The following MYO3A variants were observed in gnomAD, a reference collection of about 807,000 sequenced individuals.
MYO3A encodes the protein myosin IIIA, also known as myosin-IIIa.
MYO3A carries 180 observed loss-of-function variants against 192.7 expected under a neutral mutation model. That is an observed-to-expected ratio of 0.93 (90% CI 0.83 to 1.06). The LOEUF (loss-of-function observed/expected upper bound fraction) is 1.06. Among genes scored for constraint, MYO3A ranks in the 50% least tolerant of loss-of-function variants. The pLI is 0.00. For missense variants in MYO3A, 1,896 were observed against 1,905.0 expected, an observed-to-expected ratio of 1.00 and a Z score of 0.09; for synonymous variants, 628 against 645.3, an observed-to-expected ratio of 0.97 and a Z score of 0.41.
chr10:26,039,997 A>G lies in MYO3A; in HGVS notation c.953+13465A>G, dbSNP rs866271727. Among the ~76,000 whole-genome samples the G allele has an allele frequency of 4.6e-5, 7 of 151,236 alleles. No individual in the cohort carries two copies. The Middle Eastern group carries it at 0.017, about 370-fold the overall frequency. ...ATTTGAAGTTTTTTTTTAATTTTTG[A>G]TGTAAGCACTGATAGCTATAAATTT... On this transcript the variant is annotated intron_variant, in intron 10 of 34. Transcript: ENST00000642920.
intron 23 of MYO3A, among the ~76,000 whole-genome samples, chr10:26,152,354 A>G (rs1840844307): frequency 6.6e-6 from 1 of 152,254 alleles, no homozygotes; most frequent in South Asian, 2.1e-4. Flanking sequence ...ACTTTTTTAC[A>G]AATAAGACAT....
chr10:26,097,673 G>T (rs1837137356), intron 17 of MYO3A, among the ~76,000 whole-genome samples: 1 of 152,114 alleles, frequency 6.6e-6, no homozygotes, highest in Non-Finnish European at 1.5e-5. Flanking sequence ...TGCTGAGAAT[G>T]ATGGTTTCCA....
chr10:26,069,993 G>T, intron 12 of MYO3A, 118 bp from the exon 13 acceptor site: 1 of 696,386 alleles, frequency 1.4e-6, no homozygotes, highest in Non-Finnish European at 2.5e-6. Context: ...TGTTTTGGTG[G>T]AATGAAATGG....
chr10:26,016,910 T>C lies in MYO3A; in HGVS notation c.585+14T>C, dbSNP rs1208742868. The C allele has an allele frequency of 6.2e-7, 1 of 1,612,200 alleles. No homozygotes were observed. Among genetic ancestry groups the C allele is most frequent in the Non-Finnish European group, 8.5e-7 (1 of 1,178,222 alleles). On this transcript the variant is annotated intron_variant, in intron 7 of 34. Coordinates refer to ENST00000642920, the MANE Select transcript of MYO3A (RefSeq NM_017433.5). ...ATGGCTCCTGAGGTCAGATAGAGTT[T>C]TGAGGCAGACAAACGTAATAGCTGA...
intron 19 of MYO3A, among the ~76,000 whole-genome samples, chr10:26,125,906 T>C (rs1464251607): frequency 6.6e-6 from 1 of 152,154 alleles, no homozygotes; most frequent in African/African-American, 2.4e-5. Context: ...TTTTTTTAAT[T>C]AGAAGTTGTA....
intron 11 of MYO3A, among the ~76,000 whole-genome samples, 153 bp from the exon 12 acceptor site, chr10:26,068,615 G>C (rs1835001460): frequency 6.6e-6 from 1 of 152,170 alleles, no homozygotes; most frequent in Admixed American, 6.5e-5. Flanking sequence ...AGTAGTTGCA[G>C]AGCTGATGTT....
chr10:25,967,756 GAACTGAATAGAACTTCTAA>G (rs1838352734), intron 4 of MYO3A, among the ~76,000 whole-genome samples: 1 of 151,968 alleles, frequency 6.6e-6, no homozygotes, highest in African/African-American at 2.4e-5. Flanking sequence ...ATAGAAAAAA[GAACTGAATAGAACTTCTAA>G]AACTTAAAAA....
intron 26 of MYO3A, among the ~76,000 whole-genome samples, chr10:26,165,570 G>A (rs1298727382): frequency 2.0e-5 from 3 of 152,144 alleles, no homozygotes; most frequent in Non-Finnish European, 4.4e-5. Context: ...GAGACATAGT[G>A]TCCCTCAAGG....
chr10:26,043,019 G>A (rs916431527), intron 10 of MYO3A, among the ~76,000 whole-genome samples: 3 of 152,100 alleles, frequency 2.0e-5, no homozygotes, highest in Non-Finnish European at 4.4e-5. Flanking sequence ...TATGTATTAG[G>A]GGACATCCTC....
At chr10:26,016,732 A>G (rs1842003741) in intron 6 of MYO3A, 88 bp from the exon 7 acceptor site, 5 of 1,252,894 alleles carry the variant, frequency 4.0e-6, no homozygotes, top group Non-Finnish European at 5.8e-6. Flanking sequence ...TGGAATTTTA[A>G]TATTAGTTTG....
At chr10:26,028,044 T>G (rs572526858) in intron 10 of MYO3A, among the ~76,000 whole-genome samples, 39 of 152,334 alleles carry the variant, frequency 2.6e-4, no homozygotes, top group African/African-American at 9.1e-4. Context: ...AAGAAGTGAA[T>G]AAGACATTAC....
intron 10 of MYO3A, among the ~76,000 whole-genome samples, chr10:26,050,405 A>G (rs776789119): frequency 6.6e-6 from 1 of 152,206 alleles, no homozygotes; most frequent in South Asian, 2.1e-4. Context: ...ATTTTCCTGT[A>G]ATGGTGTTTG....
chr10:26,143,735 G>A, intron 21 of MYO3A, 134 bp downstream of exon 21: 1 of 1,078,360 alleles, frequency 9.3e-7, no homozygotes, highest in Non-Finnish European at 1.4e-6. Context: ...CTTTAAAGAA[G>A]AGCCTTTGGA....
intron 4 of MYO3A, among the ~76,000 whole-genome samples, chr10:25,984,917 G>C (rs1839553449): frequency 6.6e-6 from 1 of 152,128 alleles, no homozygotes; most frequent in Non-Finnish European, 1.5e-5. Flanking sequence ...TAAGAGAAAA[G>C]TTCATAGCAT....
intron 4 of MYO3A, among the ~76,000 whole-genome samples, chr10:25,957,282 A>G (rs1042973095): frequency 2.6e-5 from 4 of 152,026 alleles, no homozygotes; most frequent in Non-Finnish European, 5.9e-5. Context: ...GTCTGATGAG[A>G]TCTGATGGTT....
At chr10:25,994,232 T>C (rs1840268085) in intron 4 of MYO3A, among the ~76,000 whole-genome samples, 1 of 150,522 alleles carries the variant, frequency 6.6e-6, no homozygotes, top group Admixed American at 6.6e-5. Context: ...GATAGTTAGC[T>C]CTTCTTGTTG....
At chr10:26,046,670 A>G (rs1361813164) in intron 10 of MYO3A, among the ~76,000 whole-genome samples, 8 of 152,246 alleles carry the variant, frequency 5.3e-5, no homozygotes, top group South Asian at 4.1e-4. Flanking sequence ...GTTAAAAGCT[A>G]TCCCTGGTTC....
chr10:26,086,354 C>A (rs1054437305), intron 14 of MYO3A, among the ~76,000 whole-genome samples: 2 of 152,110 alleles, frequency 1.3e-5, no homozygotes, highest in African/African-American at 4.8e-5. Flanking sequence ...AGGCCCCCTC[C>A]CCTGACACGT....
At chr10:26,070,511 G>A (rs1206659035) in intron 14 of MYO3A, 110 bp downstream of exon 14, 1 of 986,230 alleles carries the variant, frequency 1.0e-6, no homozygotes, top group Non-Finnish European at 1.5e-6. Flanking sequence ...ATAATGTACA[G>A]AAATTTTAAA....
Sources: allele counts gnomAD v4.1 joint callset (sites outside exome capture counted in the v4.1 genomes callset), GRCh38; gene constraint gnomAD v4.1.1; transcripts MANE v1.5; gene names NCBI Gene and HGNC (gene_info 2026-07-23, HGNC 2026-07-21).